SUGCT: variants seen among roughly 807,000 people sequenced by gnomAD.
The protein encoded by SUGCT is succinyl-CoA:glutarate-CoA transferase.
A neutral mutation model predicts 55.0 loss-of-function variants in SUGCT; 41 were observed. The ratio of observed to expected loss-of-function variants is 0.74; its 90% CI spans 0.58 to 0.97. The LOEUF (loss-of-function observed/expected upper bound fraction) is 0.97, where lower values mean the gene tolerates loss of function less well. SUGCT is among the 50% of genes least tolerant of loss of function. The probability of loss-of-function intolerance (pLI) is 0.00; values close to 1 mark genes in which losing one functional copy is unlikely to be tolerated. For synonymous variants in SUGCT, 187 were observed against 200.4 expected, an observed-to-expected ratio of 0.93 and a Z score of 0.56; for missense variants, 568 against 547.8, an observed-to-expected ratio of 1.04 and a Z score of -0.37.
chr7:40,707,736 T>C (rs1402307313), intron 12 of SUGCT, among the ~76,000 whole-genome samples: 1 of 152,148 alleles, frequency 6.6e-6, no homozygotes, highest in African/African-American at 2.4e-5. Context: ...AACTTACAAA[T>C]GGGAAAATTG....
the SUGCT span, among the ~76,000 whole-genome samples, chr7:41,019,458 G>A: frequency 6.6e-6 from 1 of 152,168 alleles, no homozygotes; most frequent in Non-Finnish European, 1.5e-5. Context: ...TCTTGAGGTG[G>A]TGATCACATT....
chr7:40,761,970 G>C (rs1022265370), intron 13 of SUGCT, among the ~76,000 whole-genome samples: 9 of 152,282 alleles, frequency 5.9e-5, no homozygotes, highest in African/African-American at 1.9e-4. Flanking sequence ...GGCGGGAGAG[G>C]GTTGGCCAGG....
At chr7:40,734,065 G>T (rs981585186) in intron 12 of SUGCT, among the ~76,000 whole-genome samples, 1 of 152,194 alleles carries the variant, frequency 6.6e-6, no homozygotes, top group Non-Finnish European at 1.5e-5. Flanking sequence ...GTTGCAATTC[G>T]ATCCCAAAGG....
intron 12 of SUGCT, among the ~76,000 whole-genome samples, chr7:40,520,850 A>G (rs890785771): frequency 6.6e-6 from 1 of 152,182 alleles, no homozygotes; most frequent in Admixed American, 6.5e-5. Flanking sequence ...TTTAGGTGGC[A>G]GAACAAAGAA....
At chr7:40,827,432 C>G (rs1197107244) in intron 13 of SUGCT, among the ~76,000 whole-genome samples, 2 of 152,082 alleles carry the variant, frequency 1.3e-5, no homozygotes, top group Non-Finnish European at 2.9e-5. Flanking sequence ...CTGCTGGGGT[C>G]AGAAGCAAGG....
chr7:40,645,960 G>C (rs529726812), intron 12 of SUGCT, among the ~76,000 whole-genome samples: 2 of 152,112 alleles, frequency 1.3e-5, no homozygotes, highest in Admixed American at 1.3e-4. Flanking sequence ...ATCTCCATTG[G>C]GATACTGGAT....
chr7:40,266,355 G>T (rs1284771538), intron 7 of SUGCT, among the ~76,000 whole-genome samples: 3 of 151,476 alleles, frequency 2.0e-5, no homozygotes, highest in African/African-American at 7.3e-5. Flanking sequence ...CTCCATGTTG[G>T]TCAGGCTGGT....
At chr7:40,341,850 G>A (rs1797068275) in intron 9 of SUGCT, among the ~76,000 whole-genome samples, 1 of 152,172 alleles carries the variant, frequency 6.6e-6, no homozygotes, top group Non-Finnish European at 1.5e-5. Context: ...AAGTACAGTT[G>A]AAGCAAAACC....
rs542992487 is a variant in SUGCT, at chr7:40,394,492, A to G, written c.817-54795A>G. Among the ~76,000 whole-genome samples, 83 of 152,338 alleles carry G rather than the reference A, an allele frequency of 5.4e-4. 1 individual carries two copies. Among genetic ancestry groups the G allele is most frequent in the African/African-American group, 1.8e-3 (76 of 41,582 alleles). On this transcript the variant is annotated intron_variant, in intron 9 of 13. Transcript: ENST00000335693. Reference sequence around the variant, plus strand: ...CTTAATTGACAAACATAAATTATATAGATTTATATTGTGCAACATGATGTT... The same window carrying G: ...CTTAATTGACAAACATAAATTATATGGATTTATATTGTGCAACATGATGTT...
chr7:40,513,176 A>AT (rs1406271651), intron 12 of SUGCT, among the ~76,000 whole-genome samples: 1 of 152,084 alleles, frequency 6.6e-6, no homozygotes, highest in Admixed American at 6.6e-5. Context: ...ACATCGTGTG[A>AT]TTTTTTGGGA....
intron 9 of SUGCT, chr7:40,388,222 T>C (rs1039207885): frequency 6.6e-6 from 1 of 152,198 alleles, no homozygotes; most frequent in African/African-American, 2.4e-5. Flanking sequence ...TTTGATCCCC[T>C]TCATAAACTG....
chr7:40,950,626 G>T, the SUGCT span, among the ~76,000 whole-genome samples: 9 of 152,030 alleles, frequency 5.9e-5, no homozygotes, highest in Non-Finnish European at 1.0e-4. Flanking sequence ...TTTGAGATAC[G>T]TCCCATCAAT....
At chr7:40,459,329 T>C (rs763454413) in intron 11 of SUGCT, 131 bp downstream of exon 11, 6 of 611,130 alleles carry the variant, frequency 9.8e-6, no homozygotes, top group Admixed American at 3.2e-5. Flanking sequence ...CAAAACTGGC[T>C]GGTGGAGAGA....
intron 9 of SUGCT, among the ~76,000 whole-genome samples, chr7:40,390,514 G>A (rs182316192): frequency 6.6e-5 from 10 of 152,210 alleles, no homozygotes; most frequent in East Asian, 1.9e-4. Context: ...GAGCCAAATC[G>A]TGAGTGAACT....
chr7:40,348,149 C>T (rs1001573687), intron 9 of SUGCT, among the ~76,000 whole-genome samples: 2 of 152,196 alleles, frequency 1.3e-5, no homozygotes, highest in African/African-American at 4.8e-5. Context: ...GCGCTGGAGC[C>T]CACCCCCACT....
At position 40,135,113 on chromosome 7, in the gene SUGCT, G is replaced by A. The variant is rs776725763; in HGVS notation, c.93G>A (p.Pro31=). The change falls in exon 1 of 14, where the codon CCG becomes CCA. Residue 31 remains proline, a synonymous_variant. Coordinates refer to ENST00000335693, the MANE Select transcript of SUGCT (RefSeq NM_001193313.2). ...GGAGGGGGCTGTGGACTGGCCGCCCGCAGTCAGGTACCCTCCGAGATTCGG... is the reference window on the plus strand; with the variant it reads ...GGAGGGGGCTGTGGACTGGCCGCCCACAGTCAGGTACCCTCCGAGATTCGG... ...GGGRGLWTGR[P]QSDMNNIKPL... 1.9e-6 allele frequency: 3 copies of A among 1,554,112 alleles called. No homozygotes were observed. Among genetic ancestry groups the A allele is most frequent in the Admixed American group, 1.9e-5 (1 of 51,680 alleles).
intron 13 of SUGCT, among the ~76,000 whole-genome samples, chr7:40,758,086 GA>G (rs1267054851): frequency 6.6e-6 from 1 of 152,166 alleles, no homozygotes; most frequent in Non-Finnish European, 1.5e-5. Context: ...GGAGAATCAA[GA>G]AGTGACATTA....
the SUGCT span, among the ~76,000 whole-genome samples, chr7:40,956,657 C>T: frequency 3.7e-5 from 5 of 135,896 alleles, no homozygotes; most frequent in African/African-American, 8.4e-5. Flanking sequence ...TTGTTGTCTT[C>T]TTCTAGGTTT....
chr7:41,010,133 A>T, the SUGCT span, among the ~76,000 whole-genome samples: 1 of 152,196 alleles, frequency 6.6e-6, no homozygotes, highest in East Asian at 1.9e-4. Flanking sequence ...TCACCATCTG[A>T]AATTTTTGTT....
Sources: gnomAD v4.1 joint callset for allele counts (sites outside exome capture counted in the v4.1 genomes callset) on GRCh38, gnomAD v4.1.1 for gene constraint, MANE v1.5 for transcripts, NCBI Gene and HGNC (gene_info 2026-07-23, HGNC 2026-07-21) for gene names.